The following CRYBG1 variants were observed in gnomAD, a reference collection of about 807,000 sequenced individuals.
The protein encoded by CRYBG1 is crystallin beta-gamma domain containing 1, also known as beta/gamma crystallin domain-containing protein 1.
In CRYBG1, 139 loss-of-function variants were observed where a neutral mutation model predicts 189.2. The observed-to-expected ratio is 0.73, with a 90% CI of 0.64 to 0.85. CRYBG1 has a LOEUF of 0.85. CRYBG1 is among the 40% of genes least tolerant of loss of function. The pLI is 0.00. For missense variants in CRYBG1, 2,611 were observed against 2,675.8 expected (o/e 0.98, Z 0.53); for synonymous variants, 1,023 against 1,017.1 (o/e 1.01, Z -0.11).
intron 1 of CRYBG1, among the ~76,000 whole-genome samples, chr6:106,432,840 C>CT (rs5878888): frequency 0.28 from 35,823 of 128,300 alleles, 5,936 homozygotes; most frequent in Middle Eastern, 0.37. Context: ...TCTTTTCTTT[C>CT]TTTTTTTTTT....
intron 2 of CRYBG1, among the ~76,000 whole-genome samples, chr6:106,474,671 C>A (rs1450226195): frequency 6.6e-6 from 1 of 151,980 alleles, no homozygotes; most frequent in Non-Finnish European, 1.5e-5. Flanking sequence ...AGAGAGGTGA[C>A]CAAGGGGAGG....
intron 1 of CRYBG1, among the ~76,000 whole-genome samples, chr6:106,361,626 T>C (rs1771871019): frequency 6.6e-6 from 1 of 152,182 alleles, no homozygotes; most frequent in African/African-American, 2.4e-5. Flanking sequence ...ATAAATGGCT[T>C]CTCCCCATTG....
chr6:106,462,258 C>T (rs1009056664), intron 2 of CRYBG1, among the ~76,000 whole-genome samples: 13 of 152,206 alleles, frequency 8.5e-5, no homozygotes, highest in Admixed American at 1.3e-4. Context: ...GCAAGCTCCG[C>T]CTCCCGGGTT....
In CRYBG1 at chr6:106,512,702, C is replaced by T. The variant is rs905093986; in HGVS notation, c.1585C>T (p.Pro529Ser). 15 of 1,548,436 alleles carry T rather than the reference C, an allele frequency of 9.7e-6. No individual in the cohort carries two copies. The highest frequency in any genetic ancestry group is 1.2e-5 in the Non-Finnish European group (14 of 1,147,218). ...TGCCCTCGAGGCCGTGCCCGCCCCG[C>T]CCGCCAGCGGCCCCCGGGCTCCCGC... is the stretch of plus-strand genomic sequence containing the variant. Reference protein sequence around the residue: ...SRALEAVPAPPASGPRAPAKE... With the variant: ...SRALEAVPAPSASGPRAPAKE... Residue 529 changes from proline to serine, a missense_variant, in exon 3 of 22, where the codon CCC (proline) becomes TCC (serine). By Grantham distance (74) the Pro-to-Ser change is moderately conservative (BLOSUM62 -1). Transcript: ENST00000633556.
In CRYBG1 at chr6:106,520,810, A is replaced by C; in HGVS notation, c.3602A>C (p.Lys1201Thr). Residue 1201 changes from lysine (K) to threonine (T), a missense_variant, in exon 4 of 22, where the codon AAG becomes ACG. Lys to Thr is a moderately conservative substitution (Grantham distance 78). Around this residue, in one of 3 missense-constraint regions of CRYBG1, gnomAD observed 1,622 missense variants for 1,735.0 expected, o/e 0.93. Coordinates refer to ENST00000633556, the MANE Select transcript of CRYBG1 (RefSeq NM_001371242.2). ...TCTGCTGAACAGAGCGTCCTCTTCA[A>C]GTCCCTGCACACCAACACTAATGGG... Reference protein sequence around the residue: ...RASAEQSVLFKSLHTNTNGNS... With the variant: ...RASAEQSVLFTSLHTNTNGNS... The C allele has an allele frequency of 6.2e-7, 1 of 1,614,182 alleles. No homozygotes were observed. The highest frequency in any genetic ancestry group is 1.7e-5 in the Admixed American group (1 of 60,012).
chr6:106,414,522 C>T (rs764438321), intron 1 of CRYBG1, among the ~76,000 whole-genome samples: 1 of 152,208 alleles, frequency 6.6e-6, no homozygotes, highest in Non-Finnish European at 1.5e-5. Context: ...TCAAAATGTC[C>T]ACCTTCTGTT....
At chr6:106,443,069 C>T (rs1015223415) in intron 1 of CRYBG1, among the ~76,000 whole-genome samples, 1 of 152,168 alleles carries the variant, frequency 6.6e-6, no homozygotes, top group Non-Finnish European at 1.5e-5. Flanking sequence ...TAACTGGAAT[C>T]TTACTAAACT....
At chr6:106,542,242 T>C (rs1399796525) in intron 10 of CRYBG1, among the ~76,000 whole-genome samples, 1 of 149,978 alleles carries the variant, frequency 6.7e-6, no homozygotes, top group Admixed American at 6.6e-5. Flanking sequence ...GCCAGATTTT[T>C]TTTTTTCTTT....
chr6:106,380,062 G>A (rs1195984271), intron 1 of CRYBG1, among the ~76,000 whole-genome samples: 1 of 152,118 alleles, frequency 6.6e-6, no homozygotes, highest in Non-Finnish European at 1.5e-5. Context: ...GCATTTCCAT[G>A]TTTAGAGTTT....
intron 2 of CRYBG1, among the ~76,000 whole-genome samples, chr6:106,487,493 GCTTGTCTGAGAAGTTCTTTTATTT>G (rs1216340976): frequency 6.6e-6 from 1 of 151,980 alleles, no homozygotes; most frequent in East Asian, 1.9e-4. Flanking sequence ...CTCAGTTTTT[GCTTGTCTGAGAAGTTCTTTTATTT>G]CTCTTTCTAG....
In CRYBG1 at chr6:106,570,956, CACTT is replaced by C. The variant is rs1437565877; in HGVS notation, c.*2393_*2396del. The C allele has an allele frequency of 6.6e-6, 1 of 152,118 alleles. No homozygotes were observed. Among genetic ancestry groups the C allele is most frequent in the African/African-American group, 2.4e-5 (1 of 41,404 alleles). 9.4% of individuals were successfully genotyped at this position (152,118 alleles called of 1,614,324 possible). ...GGATGAGTATATTAGGAAGTAAAAA[CACTT>C]ACCGTAAATGAATATTCGAAGTGCA... is the stretch of plus-strand genomic sequence containing the variant. On this transcript the variant is annotated 3_prime_UTR_variant, in exon 22 of 22. Coordinates refer to ENST00000633556, the MANE Select transcript of CRYBG1 (RefSeq NM_001371242.2).
chr6:106,555,173 CAAAAG>C (rs1462677541), intron 16 of CRYBG1, among the ~76,000 whole-genome samples: 2 of 103,876 alleles, frequency 1.9e-5, no homozygotes, highest in South Asian at 3.7e-4. Context: ...CCCCCGCCAC[CAAAAG>C]AAAAGAAAAA....
At chr6:106,397,343 T>A (rs948050161) in intron 1 of CRYBG1, among the ~76,000 whole-genome samples, 3 of 152,226 alleles carry the variant, frequency 2.0e-5, no homozygotes, top group Non-Finnish European at 2.9e-5. Context: ...CCATGCTTAT[T>A]ATAATGAATT....
chr6:106,388,084 G>A (rs1770424683), intron 1 of CRYBG1, among the ~76,000 whole-genome samples: 1 of 152,176 alleles, frequency 6.6e-6, no homozygotes, highest in South Asian at 2.1e-4. Context: ...TTGACTCTGA[G>A]CAGATCCTTG....
At chr6:106,551,722 G>A (rs1046615735) in intron 13 of CRYBG1, 130 bp from the exon 14 acceptor site, 3 of 1,018,634 alleles carry the variant, frequency 2.9e-6, no homozygotes, top group Non-Finnish European at 3.0e-6. Flanking sequence ...GGTTAATGGA[G>A]AATCAGAAAA....
At chr6:106,510,127 A>G (rs1283936315) in intron 2 of CRYBG1, among the ~76,000 whole-genome samples, 2 of 152,188 alleles carry the variant, frequency 1.3e-5, no homozygotes, top group Non-Finnish European at 2.9e-5. Context: ...CTGCGTCGCC[A>G]GGACTCAAGC....
intron 1 of CRYBG1, among the ~76,000 whole-genome samples, chr6:106,382,990 A>G (rs1282064431): frequency 6.6e-6 from 1 of 152,238 alleles, no homozygotes; most frequent in Non-Finnish European, 1.5e-5. Context: ...CTAATGGGAA[A>G]TCCTGCAATT....
At chr6:106,527,194 G>T in intron 6 of CRYBG1, 111 bp from the exon 7 acceptor site, 1 of 806,010 alleles carries the variant, frequency 1.2e-6, no homozygotes, top group South Asian at 2.7e-5. Context: ...TAGATAATTG[G>T]CTGCTAATAT....
At position 106,506,430 on chromosome 6, in the gene CRYBG1, A is replaced by G. The variant is rs1773133936; in HGVS notation, c.313-5000A>G. On this transcript the variant is annotated intron_variant, in intron 2 of 21. Transcript: ENST00000633556. ...GAAACATCACTTTACTCAAAATGTT[A>G]TTAGATTTCTTGTCACTTTTTTTTT... Among the ~76,000 whole-genome samples the G allele has an allele frequency of 4.3e-5, 6 of 138,050 alleles. No individual in the cohort carries two copies. In the South Asian group the frequency reaches 1.5e-3, roughly 33 times the overall value. 90.6% of individuals were successfully genotyped at this position (138,050 alleles called of 152,430 possible).
Sources: allele counts gnomAD v4.1 joint callset (sites outside exome capture counted in the v4.1 genomes callset), GRCh38; gene constraint gnomAD v4.1.1; regional missense constraint gnomAD v4.1.1; transcripts MANE v1.5; gene names NCBI Gene and HGNC (gene_info 2026-07-23, HGNC 2026-07-21).